The following RUNX1T1 variants were observed in gnomAD, a reference collection of about 807,000 sequenced individuals.
The protein encoded by RUNX1T1 is RUNX1 partner transcriptional co-repressor 1.
In RUNX1T1, 4 loss-of-function variants were observed where a neutral mutation model predicts 62.8. The observed-to-expected ratio is 0.06, with a 90% CI of 0.03 to 0.15. The LOEUF is 0.15. Ranked by LOEUF, RUNX1T1 falls within the 10% of genes least tolerant of loss-of-function variation. The pLI, the probability that RUNX1T1 is intolerant of heterozygous loss-of-function variation, is 1.00. For synonymous variants in RUNX1T1, 291 were observed against 286.0 expected, an observed-to-expected ratio of 1.02 and a Z score of -0.18; for missense variants, 508 against 754.3, an observed-to-expected ratio of 0.67 and a Z score of 3.82.
At chr8:92,049,124 T>G (rs1829857467) in intron 1 of RUNX1T1, among the ~76,000 whole-genome samples, 1 of 152,182 alleles carries the variant, frequency 6.6e-6, no homozygotes. Flanking sequence ...TCTCTGTATT[T>G]GCGGCATCCT....
At chr8:91,987,853 GC>G (rs1453098090) in intron 6 of RUNX1T1, among the ~76,000 whole-genome samples, 1 of 152,108 alleles carries the variant, frequency 6.6e-6, no homozygotes, top group Non-Finnish European at 1.5e-5. Flanking sequence ...TATAGGAAAA[GC>G]CCCTGGGCTG....
chr8:91,957,014 G>A (rs1220728391), downstream of RUNX1T1: 6 of 215,180 alleles, frequency 2.8e-5, no homozygotes, highest in African/African-American at 6.8e-5. Context: ...AGGTGGCCCT[G>A]TCACACACAG....
chr8:92,081,506 GA>G (rs905341800), intron 1 of RUNX1T1, among the ~76,000 whole-genome samples: 142 of 128,328 alleles, frequency 1.1e-3, no homozygotes, highest in Middle Eastern at 4.1e-3. Context: ...TTGGTGTGAT[GA>G]AAAAAAAAAC....
chr8:91,958,647 A>AG (rs1399159196), downstream of RUNX1T1: 5 of 178,984 alleles, frequency 2.8e-5, no homozygotes, highest in African/African-American at 9.5e-5. Flanking sequence ...TTAAAAAAAA[A>AG]AAAAAGAAAA....
At chr8:91,983,947 T>C (rs996028552) in intron 8 of RUNX1T1, among the ~76,000 whole-genome samples, 4 of 152,244 alleles carry the variant, frequency 2.6e-5, no homozygotes, top group African/African-American at 7.2e-5. Flanking sequence ...TGCAGAGTTC[T>C]ACACAGATTT....
chr8:92,102,423 GAA>G (rs1020530151), upstream of RUNX1T1, among the ~76,000 whole-genome samples: 3 of 100,418 alleles, frequency 3.0e-5, no homozygotes. This position sits in a 1 kb window ranked among gnomAD's most constrained non-coding sequence, Gnocchi z 4.5. Context: ...AAAAAGAAAA[GAA>G]AAAAAAAAAA....
intron 5 of RUNX1T1, among the ~76,000 whole-genome samples, chr8:92,000,339 T>C (rs1819528812): frequency 6.6e-6 from 1 of 152,116 alleles, no homozygotes; most frequent in Non-Finnish European, 1.5e-5. Context: ...AATGTAATTT[T>C]GTGCTATTTC....
upstream of RUNX1T1, among the ~76,000 whole-genome samples, chr8:92,064,491 C>T (rs1027797272): frequency 3.3e-5 from 5 of 152,164 alleles, no homozygotes; most frequent in Non-Finnish European, 5.9e-5. Context: ...AGCTTTATAG[C>T]AGGCATGAGT....
At chr8:91,962,630 A>G (rs1032192766) in intron 10 of RUNX1T1, among the ~76,000 whole-genome samples, 2 of 152,226 alleles carry the variant, frequency 1.3e-5, no homozygotes, top group Non-Finnish European at 2.9e-5. Context: ...CCACCCTTCA[A>G]AGCTGTGAGG....
At chr8:91,967,297 C>T (rs1308133207) in intron 10 of RUNX1T1, among the ~76,000 whole-genome samples, 2 of 152,082 alleles carry the variant, frequency 1.3e-5, no homozygotes, top group Admixed American at 6.6e-5. Context: ...CCTGGTTTAC[C>T]GGACTGGTCT....
intron 8 of RUNX1T1, among the ~76,000 whole-genome samples, chr8:91,982,279 C>T (rs1402671094): frequency 6.7e-6 from 1 of 149,456 alleles, no homozygotes; most frequent in African/African-American, 2.5e-5. Flanking sequence ...ATGTGGAAGA[C>T]TTCTAGAAAA....
chr8:92,028,919 T>C (rs1216472615), intron 1 of RUNX1T1, among the ~76,000 whole-genome samples: 2 of 152,216 alleles, frequency 1.3e-5, no homozygotes, highest in Non-Finnish European at 2.9e-5. Flanking sequence ...AAACCTTTTA[T>C]CATCTAAAGA....
intron 4 of RUNX1T1, among the ~76,000 whole-genome samples, chr8:92,009,289 C>T (rs751062567): frequency 2.6e-5 from 4 of 152,156 alleles, no homozygotes; most frequent in Middle Eastern, 3.2e-3. Context: ...AGAGGGTCTG[C>T]GGGTTACATT....
chr8:92,017,474 A>T, intron 1 of RUNX1T1, 111 bp from the exon 3 acceptor site: 1 of 1,568,694 alleles, frequency 6.4e-7, no homozygotes, highest in East Asian at 2.3e-5. Flanking sequence ...AACATCTTCT[A>T]TCAATAAAAT....
chr8:92,018,115 G>A (rs1429890135), intron 1 of RUNX1T1, among the ~76,000 whole-genome samples: 3 of 152,098 alleles, frequency 2.0e-5, no homozygotes, highest in Admixed American at 6.5e-5. Context: ...TTTTTTTCAT[G>A]AGTATGTGGC....
chr8:91,973,689 A>G (rs1327203636), intron 9 of RUNX1T1, among the ~76,000 whole-genome samples: 3 of 152,092 alleles, frequency 2.0e-5, no homozygotes, highest in Admixed American at 6.5e-5. Context: ...AGCTGAGTGC[A>G]GATGTCACAT....
intron 1 of RUNX1T1, among the ~76,000 whole-genome samples, chr8:92,043,997 A>C (rs1828947502): frequency 6.7e-6 from 1 of 148,812 alleles, no homozygotes; most frequent in Non-Finnish European, 1.5e-5. Context: ...AAAAAAAAAA[A>C]CCTTAAGCTG....
chr8:91,981,540 G>A (rs908077570), intron 8 of RUNX1T1, among the ~76,000 whole-genome samples: 5 of 144,770 alleles, frequency 3.5e-5, no homozygotes, highest in Admixed American at 7.2e-5. Context: ...TCAGCCTCCC[G>A]AGTAGCTGGG....
At chr8:92,086,087 T>C (rs1283253232) in intron 1 of RUNX1T1, among the ~76,000 whole-genome samples, 2 of 152,306 alleles carry the variant, frequency 1.3e-5, no homozygotes, top group East Asian at 3.9e-4. Context: ...CTTGGGGTAC[T>C]GAACAAATGA....
Sources: allele counts gnomAD v4.1 joint callset (sites outside exome capture counted in the v4.1 genomes callset), GRCh38; gene constraint gnomAD v4.1.1; non-coding constraint Gnocchi (gnomAD v3.1); transcripts MANE v1.5; gene names NCBI Gene and HGNC (gene_info 2026-07-23, HGNC 2026-07-21).